Variants in ROBO1 observed in about 807,000 individuals in gnomAD.
ROBO1 encodes roundabout homolog 1.
A neutral mutation model predicts 195.9 loss-of-function variants in ROBO1; 149 were observed. The ratio of observed to expected loss-of-function variants is 0.76; its 90% CI spans 0.67 to 0.87. The LOEUF is 0.87. Among genes scored for constraint, ROBO1 ranks in the 40% least tolerant of loss-of-function variants. The probability of loss-of-function intolerance (pLI) is 0.00; values close to 1 mark genes in which losing one functional copy is unlikely to be tolerated. For synonymous variants in ROBO1, 816 were observed against 733.2 expected (o/e 1.11, Z -1.82); for missense variants, 1,933 against 2,068.3 (o/e 0.93, Z 1.27).
chr3:79,262,473 T>A (rs1288042340), intron 2 of ROBO1, among the ~76,000 whole-genome samples: 6 of 152,144 alleles, frequency 3.9e-5, no homozygotes, highest in African/African-American at 7.2e-5. Flanking sequence ...AAGAAACTTT[T>A]GTTGTTTTAA....
intron 2 of ROBO1, among the ~76,000 whole-genome samples, chr3:79,146,419 G>A (rs2080652309): frequency 6.6e-6 from 1 of 151,894 alleles, no homozygotes; most frequent in African/African-American, 2.4e-5. Flanking sequence ...GAACATAACT[G>A]CAGAAAAATA....
At chr3:78,832,629 C>T (rs1293364446) in intron 4 of ROBO1, among the ~76,000 whole-genome samples, 1 of 152,120 alleles carries the variant, frequency 6.6e-6, no homozygotes, top group African/African-American at 2.4e-5. Context: ...TCTGTTTTGC[C>T]ACACAAAACT....
At chr3:79,583,620 A>G (rs558396937) in intron 2 of ROBO1, among the ~76,000 whole-genome samples, 3 of 152,102 alleles carry the variant, frequency 2.0e-5, no homozygotes, top group South Asian at 4.1e-4. Context: ...AAGCTGTAAT[A>G]TAATTGTAAT....
intron 2 of ROBO1, among the ~76,000 whole-genome samples, chr3:79,242,379 C>T (rs2082535990): frequency 6.6e-6 from 1 of 152,088 alleles, no homozygotes; most frequent in African/African-American, 2.4e-5. Flanking sequence ...AGGGCCTGGG[C>T]CTCCTATATA....
intron 3 of ROBO1, among the ~76,000 whole-genome samples, chr3:78,971,831 T>C (rs1251102661): frequency 6.6e-6 from 1 of 152,182 alleles, no homozygotes; most frequent in Non-Finnish European, 1.5e-5. Flanking sequence ...ACTGGTGCCA[T>C]CTTGGCTCAC....
intron 2 of ROBO1, among the ~76,000 whole-genome samples, chr3:79,490,827 G>A (rs1939414506): frequency 6.6e-6 from 1 of 152,054 alleles, no homozygotes; most frequent in African/African-American, 2.4e-5. Flanking sequence ...CTTTATCTGG[G>A]GATTTTAGCT....
At chr3:79,330,191 C>T (rs1164973577) in intron 2 of ROBO1, among the ~76,000 whole-genome samples, 1 of 150,230 alleles carries the variant, frequency 6.7e-6, no homozygotes, top group Admixed American at 6.7e-5. Flanking sequence ...GTTTAGGCAA[C>T]ATGCATGGCA....
At chr3:79,129,190 C>G (rs2080275742) in intron 2 of ROBO1, among the ~76,000 whole-genome samples, 2 of 152,086 alleles carry the variant, frequency 1.3e-5, no homozygotes, top group African/African-American at 4.8e-5. Flanking sequence ...CCTATAGTCC[C>G]TACCTATGTT....
chr3:78,907,405 G>A (rs1295436989), intron 4 of ROBO1, among the ~76,000 whole-genome samples: 1 of 152,034 alleles, frequency 6.6e-6, no homozygotes, highest in Admixed American at 6.6e-5. Flanking sequence ...TCAAGGTCTT[G>A]GCTAGTTCAT....
intron 3 of ROBO1, among the ~76,000 whole-genome samples, chr3:79,032,195 C>T (rs1037331159): frequency 1.3e-5 from 2 of 151,812 alleles, no homozygotes; most frequent in Non-Finnish European, 2.9e-5. Context: ...CTTATAACAA[C>T]GATATGTATT....
At chr3:79,525,608 C>CTTT (rs371275904) in intron 2 of ROBO1, among the ~76,000 whole-genome samples, 1 of 133,330 alleles carries the variant, frequency 7.5e-6, no homozygotes, top group East Asian at 2.1e-4. Flanking sequence ...GAACTTTACA[C>CTTT]TTTTTTTTTT....
chr3:79,017,064 C>T (rs1408926486), intron 3 of ROBO1, among the ~76,000 whole-genome samples: 2 of 152,146 alleles, frequency 1.3e-5, no homozygotes, highest in South Asian at 2.1e-4. Context: ...TCCACTGTGA[C>T]GTACATGAGA....
chr3:79,637,651 G>T (rs1204755895), intron 1 of ROBO1, among the ~76,000 whole-genome samples: 1 of 152,014 alleles, frequency 6.6e-6, no homozygotes, highest in African/African-American at 2.4e-5. Context: ...TGATATGCAG[G>T]CCGTTTTTTA....
intron 2 of ROBO1, among the ~76,000 whole-genome samples, chr3:79,318,205 A>C (rs1230565802): frequency 6.6e-6 from 1 of 152,206 alleles, no homozygotes; most frequent in Non-Finnish European, 1.5e-5. Context: ...CATTAATCTC[A>C]TCCAAATACT....
intron 4 of ROBO1, among the ~76,000 whole-genome samples, chr3:78,922,521 T>A (rs1047276461): frequency 2.0e-5 from 3 of 152,060 alleles, no homozygotes; most frequent in Admixed American, 6.6e-5. Flanking sequence ...GTCTTTCTCC[T>A]TCTCCCTCTT....
At chr3:79,562,788 T>C (rs1334206686) in intron 2 of ROBO1, among the ~76,000 whole-genome samples, 2 of 152,022 alleles carry the variant, frequency 1.3e-5, no homozygotes, top group East Asian at 1.9e-4. Context: ...TTTATGTTTT[T>C]ATACTAAAAT....
intron 1 of ROBO1, among the ~76,000 whole-genome samples, chr3:79,647,696 G>T (rs984591562): frequency 1.3e-5 from 2 of 152,028 alleles, no homozygotes; most frequent in African/African-American, 2.4e-5. Context: ...TTGATGTGGA[G>T]AAGCCCTGCT....
In ROBO1 at chr3:79,642,800, G is replaced by A. The variant is rs145900479; in HGVS notation, c.-50-52839C>T. Among the ~76,000 whole-genome samples, 391 of 152,200 alleles carry A rather than the reference G, an allele frequency of 2.6e-3. 5 individuals carry two copies. The highest frequency in any genetic ancestry group is 8.2e-3 in the African/African-American group (339 of 41,518). ...CTCTGAACGAAAAAAACACTAATATGCCGAAAGAAAACATTTTAAGGTATA... is the reference window on the plus strand; with the variant it reads ...CTCTGAACGAAAAAAACACTAATATACCGAAAGAAAACATTTTAAGGTATA... On this transcript the variant is annotated intron_variant, in intron 1 of 30. Transcript: ENST00000464233.
chr3:78,686,956 A>T (rs2081066343), intron 9 of ROBO1, among the ~76,000 whole-genome samples: 1 of 152,202 alleles, frequency 6.6e-6, no homozygotes, highest in Admixed American at 6.5e-5. Context: ...ATTTCATGAA[A>T]TAAAAAATAG....
Sources: gnomAD v4.1 joint callset for allele counts (sites outside exome capture counted in the v4.1 genomes callset) on GRCh38, gnomAD v4.1.1 for gene constraint, MANE v1.5 for transcripts, NCBI Gene and HGNC (gene_info 2026-07-23, HGNC 2026-07-21) for gene names.